The following TERT variants were observed in gnomAD, a reference collection of about 807,000 sequenced individuals.
TERT encodes telomerase reverse transcriptase.
TERT carries 42 observed loss-of-function variants against 104.0 expected under a neutral mutation model. That is an observed-to-expected ratio of 0.40 (90% CI 0.32 to 0.52). The LOEUF (loss-of-function observed/expected upper bound fraction) is 0.52. Among genes scored for constraint, TERT ranks in the 20% least tolerant of loss-of-function variants. The pLI is 0.43. For missense variants in TERT, 1,101 were observed against 1,610.3 expected (o/e 0.68, Z 5.41); for synonymous variants, 781 against 725.6 (o/e 1.08, Z -1.23).
Position 1,271,118 on chromosome 5 carries a change from C to T in TERT, c.2468+1G>A. On this transcript the variant is annotated splice_donor_variant, in intron 8 of 15. Coordinates refer to ENST00000310581, the MANE Select transcript of TERT (RefSeq NM_198253.3). LOFTEE classifies it high-confidence loss of function. The stretch of plus-strand genomic sequence containing the variant: ...CAATGGCACCTGGCCACCTGACTCA[C>T]TTGCCCCTGATGCGCACGGCGTGGT... 6.2e-7 allele frequency: 1 copy of T among 1,612,788 alleles called. No homozygotes were observed. Among genetic ancestry groups the T allele is most frequent in the Non-Finnish European group, 8.5e-7 (1 of 1,179,822 alleles).
Position 1,274,680 on chromosome 5 carries a change from C to T in TERT, c.2287-2400G>A, listed in dbSNP as rs1749419815. 6.6e-6 allele frequency among the ~76,000 whole-genome samples: 1 copy of T among 152,236 alleles called. No homozygotes were observed. Among genetic ancestry groups the T allele is most frequent in the Admixed American group, 6.5e-5 (1 of 15,292 alleles). On this transcript the variant is annotated intron_variant, in intron 6 of 15. Coordinates refer to ENST00000310581, the MANE Select transcript of TERT (RefSeq NM_198253.3). This position sits in a 1 kb window ranked among gnomAD's most constrained non-coding sequence, Gnocchi z 5.3. ...GGCTCAGGCGGGAACGCTGGCTCCCCACACCCCACCTAGCCTCCCGCTGTG... is the reference window on the plus strand; with the variant it reads ...GGCTCAGGCGGGAACGCTGGCTCCCTACACCCCACCTAGCCTCCCGCTGTG...
At chr5:1,276,197 A>C (rs1447014041) in intron 6 of TERT, among the ~76,000 whole-genome samples, 2 of 145,406 alleles carry the variant, frequency 1.4e-5, no homozygotes, top group Admixed American at 1.4e-4. Flanking sequence ...GTCCCCACCT[A>C]CCCCACACAT....
At chr5:1,289,237 G>C (rs1750698246) in intron 2 of TERT, among the ~76,000 whole-genome samples, 1 of 142,716 alleles carries the variant, frequency 7.0e-6, no homozygotes, top group Non-Finnish European at 1.5e-5. Flanking sequence ...ACACGTGACA[G>C]GGACACCCGG....
chr5:1,271,963 C>T (rs1254254428), intron 7 of TERT, among the ~76,000 whole-genome samples: 1 of 152,266 alleles, frequency 6.6e-6, no homozygotes, highest in Admixed American at 6.5e-5. Flanking sequence ...AGAGGCCGCG[C>T]AGTCAAACGT....
rs199422297 is a variant in TERT, at chr5:1,279,311, G to A, written c.2110C>T (p.Pro704Ser). 8.8e-6 allele frequency: 14 copies of A among 1,584,006 alleles called. No homozygotes were observed. The highest frequency in any genetic ancestry group is 1.3e-5 in the African/African-American group (1 of 74,322). Residue 704 changes from proline to serine, a missense_variant, in exon 5 of 16, where the codon CCT (proline) becomes TCT (serine). Transcript: ENST00000310581. ...CCCACCTTGACAAAGTACAGCTCAG[G>A]CGGCGGGTCCTGGGCCCGCACACGC... ...VLRVRAQDPP[P>S]ELYFVKVDVT... is the part of the protein sequence containing the mutation.
At position 1,268,679 on chromosome 5, in the gene TERT, G is replaced by C; in HGVS notation, c.2469-46C>G. The C allele has an allele frequency of 1.5e-6, 2 of 1,364,404 alleles. No individual in the cohort carries two copies. The highest frequency in any genetic ancestry group is 2.1e-6 in the Non-Finnish European group (2 of 955,848). 84.5% of individuals were successfully genotyped at this position (1,364,404 alleles called of 1,614,324 possible). ...TGAGAGACGGGCAGGGCATGTGCTG[G>C]ACATGCGTACACTCAAACCGAGCCA... On this transcript the variant is annotated intron_variant, in intron 8 of 15. Transcript: ENST00000310581. This position sits in a 1 kb window ranked among gnomAD's most constrained non-coding sequence, Gnocchi z 5.5.
At position 1,274,306 on chromosome 5, in the gene TERT, A is replaced by G. The variant is rs1246440701; in HGVS notation, c.2287-2026T>C. ...CCAGGAGCAGGCAACACGCCCACAA[A>G]TAGCCCATGGGTCTGAGGTCGGCGG... On this transcript the variant is annotated intron_variant, in intron 6 of 15. Coordinates refer to ENST00000310581, the MANE Select transcript of TERT (RefSeq NM_198253.3). The surrounding 1 kb of genome is among the most constrained non-coding windows in gnomAD (Gnocchi z 5.3). Among the ~76,000 whole-genome samples the G allele has an allele frequency of 2.0e-5, 3 of 152,228 alleles. No homozygotes were observed. Among genetic ancestry groups the G allele is most frequent in the Admixed American group, 2.0e-4 (3 of 15,290 alleles).
At chr5:1,272,102 G>C (rs1749081979) in intron 7 of TERT, 83 bp downstream of exon 7, 1 of 1,166,122 alleles carries the variant, frequency 8.6e-7, no homozygotes, top group Non-Finnish European at 1.3e-6. Context: ...CCAACAGTCT[G>C]TCCGGTCATG....
In TERT at chr5:1,264,600, AG is replaced by A. The variant is rs1060504795; in HGVS notation, c.2655-9del. 2 of 1,613,904 alleles carry A rather than the reference AG, an allele frequency of 1.2e-6. No individual in the cohort carries two copies. The highest frequency in any genetic ancestry group is 1.7e-5 in the Admixed American group (1 of 60,034). ...ACACCTCGGACCAGGGTCCTAAGGC[AG>A]AGGGGCAATGTCAGCCCCAGGATGC... On this transcript the variant is annotated splice_polypyrimidine_tract_variant and intron_variant, in intron 10 of 15. Coordinates refer to ENST00000310581, the MANE Select transcript of TERT (RefSeq NM_198253.3).
intron 2 of TERT, among the ~76,000 whole-genome samples, chr5:1,285,388 G>T (rs1056299840): frequency 6.6e-6 from 1 of 152,128 alleles, no homozygotes; most frequent in Admixed American, 6.6e-5. Context: ...GGCCACGCAC[G>T]GGACCTACAC....
At position 1,255,441 on chromosome 5, in the gene TERT, A is replaced by T. The variant is rs896958655; in HGVS notation, c.3033-30T>A. 2 of 1,613,512 alleles carry T rather than the reference A, an allele frequency of 1.2e-6. No homozygotes were observed. The highest frequency in any genetic ancestry group is 1.7e-6 in the Non-Finnish European group (2 of 1,179,892). The stretch of plus-strand genomic sequence containing the variant: ...GAGGATGGCGGACAGCGTCAGAGGA[A>T]AGGCCTCCTAATCAGACGGTGCTCG... On this transcript the variant is annotated intron_variant, in intron 13 of 15. Transcript: ENST00000310581. The surrounding 1 kb of genome is among the most constrained non-coding windows in gnomAD (Gnocchi z 6.9).
intron 12 of TERT, 150 bp downstream of exon 12, chr5:1,260,324 G>T: frequency 7.9e-7 from 1 of 1,269,244 alleles, no homozygotes; most frequent in Non-Finnish European, 1.1e-6. Context: ...ATGCACACAT[G>T]TATGTGCTCA....
intron 12 of TERT, among the ~76,000 whole-genome samples, chr5:1,259,673 GA>G (rs1159746242): frequency 1.4e-5 from 2 of 139,486 alleles, no homozygotes; most frequent in Admixed American, 7.1e-5. Flanking sequence ...GCCCACAGGA[GA>G]GGGGGAGTGG....
chr5:1,291,222 G>A (rs1221061833), intron 2 of TERT, among the ~76,000 whole-genome samples: 1 of 124,862 alleles, frequency 8.0e-6, no homozygotes, highest in Non-Finnish European at 1.7e-5. Flanking sequence ...GGACACCTGG[G>A]GCCGCGCCTC....
intron 4 of TERT, 143 bp downstream of exon 4, chr5:1,280,015 T>A (rs1259003793): frequency 1.8e-6 from 2 of 1,112,440 alleles, no homozygotes; most frequent in East Asian, 4.7e-5. Flanking sequence ...CACCTCACTG[T>A]GCGCACAAAT....
At position 1,265,954 on chromosome 5, in the gene TERT, A is replaced by T. The variant is rs1026249171; in HGVS notation, c.2654+510T>A. On this transcript the variant is annotated intron_variant, in intron 10 of 15. Transcript: ENST00000310581. The surrounding 1 kb of genome is among the most constrained non-coding windows in gnomAD (Gnocchi z 6.9). Reference sequence around the variant, plus strand: ...CACTCCTAGCCATCTCCGTGGTTCAAGACAGCAGCACTCAGCAAATCCAAA... The same window carrying T: ...CACTCCTAGCCATCTCCGTGGTTCATGACAGCAGCACTCAGCAAATCCAAA... Among the ~76,000 whole-genome samples the T allele has an allele frequency of 1.3e-5, 2 of 152,212 alleles. No individual in the cohort carries two copies. The highest frequency in any genetic ancestry group is 2.9e-5 in the Non-Finnish European group (2 of 68,026).
chr5:1,258,404 C>T (rs1450144141), intron 13 of TERT, among the ~76,000 whole-genome samples, 194 bp downstream of exon 13: 1 of 152,268 alleles, frequency 6.6e-6, no homozygotes, highest in Non-Finnish European at 1.5e-5. Flanking sequence ...CCTACCACTA[C>T]CCAGAGATGG....
rs991253272 is a variant in TERT, at chr5:1,263,657, C to T, written c.2843+747G>A. On this transcript the variant is annotated intron_variant, in intron 11 of 15. Transcript: ENST00000310581. The surrounding 1 kb of genome is among the most constrained non-coding windows in gnomAD (Gnocchi z 5.3). ...CTGGCCTCAAGTGATCCACCCACCTCGGCCTCCCAAAGTGCTGGGATTATA... is the reference window on the plus strand; with the variant it reads ...CTGGCCTCAAGTGATCCACCCACCTTGGCCTCCCAAAGTGCTGGGATTATA... Among the ~76,000 whole-genome samples the T allele has an allele frequency of 1.9e-4, 29 of 152,246 alleles. No homozygotes were observed. Among genetic ancestry groups the T allele is most frequent in the African/African-American group, 6.8e-4 (28 of 41,458 alleles).
In TERT at chr5:1,274,953, C is replaced by T. The variant is rs570197232; in HGVS notation, c.2287-2673G>A. Among the ~76,000 whole-genome samples the T allele has an allele frequency of 2.0e-5, 3 of 152,314 alleles. No individual in the cohort carries two copies. The highest frequency in any genetic ancestry group is 1.3e-4 in the Admixed American group (2 of 15,294). On this transcript the variant is annotated intron_variant, in intron 6 of 15. Transcript: ENST00000310581. The surrounding 1 kb of genome is among the most constrained non-coding windows in gnomAD (Gnocchi z 5.3). ...AGGAAACAGCCGGGAAATCAGCACA[C>T]GTGAAACTCTTCTGTGAAGAGAGTC...
Sources: allele counts gnomAD v4.1 joint callset (sites outside exome capture counted in the v4.1 genomes callset), GRCh38; gene constraint gnomAD v4.1.1; non-coding constraint Gnocchi (gnomAD v3.1); transcripts MANE v1.5; gene names NCBI Gene and HGNC (gene_info 2026-07-23, HGNC 2026-07-21).